Variants in XCR1 observed in about 807,000 individuals in gnomAD.
The protein encoded by XCR1 is chemokine XC receptor 1.
For missense variants in XCR1, 356 were observed against 424.2 expected (o/e 0.84, Z 1.41); for synonymous variants, 187 against 188.5 (o/e 0.99, Z 0.06).
At chr3:46,033,487 A>G (rs1697344276) in intron 5 of XCR1, among the ~76,000 whole-genome samples, 1 of 152,196 alleles carries the variant, frequency 6.6e-6, no homozygotes, top group South Asian at 2.1e-4. Flanking sequence ...TCAGTTGACT[A>G]TATTAGTGCA....
intron 4 of XCR1, among the ~76,000 whole-genome samples, chr3:46,066,204 C>CCCTT (rs1698067778): frequency 7.3e-6 from 1 of 136,486 alleles, no homozygotes; most frequent in African/African-American, 3.3e-5. Flanking sequence ...CTTCCTTCCT[C>CCCTT]CCTCCCTCCC....
chr3:46,065,798 C>T (rs1374484067), intron 4 of XCR1, among the ~76,000 whole-genome samples: 5 of 152,132 alleles, frequency 3.3e-5, no homozygotes, highest in Non-Finnish European at 5.9e-5. Flanking sequence ...GAGCCCTGGG[C>T]GGTGTGCTCT....
intron 3 of XCR1, among the ~76,000 whole-genome samples, chr3:46,073,618 A>G (rs1698198540): frequency 6.6e-6 from 1 of 152,064 alleles, no homozygotes; most frequent in Non-Finnish European, 1.5e-5. Flanking sequence ...CAACAGAAAT[A>G]AACAACAGAG....
chr3:46,026,251 T>C (rs1575410524), intron 1 of XCR1, among the ~76,000 whole-genome samples: 1 of 152,328 alleles, frequency 6.6e-6, no homozygotes, highest in Middle Eastern at 3.4e-3. Context: ...GTTCTGGGCC[T>C]GGAAGCCTTT....
chr3:46,051,935 A>C (rs1575426385), intron 5 of XCR1, among the ~76,000 whole-genome samples: 1 of 152,178 alleles, frequency 6.6e-6, no homozygotes, highest in Admixed American at 6.5e-5. Context: ...CTGAGGCAGG[A>C]GAATGGCATG....
At chr3:46,065,342 G>A (rs1473990952) in intron 4 of XCR1, among the ~76,000 whole-genome samples, 2 of 152,134 alleles carry the variant, frequency 1.3e-5, no homozygotes, top group African/African-American at 2.4e-5. Flanking sequence ...ACTGTTACCT[G>A]CAGGAGTCTT....
intron 3 of XCR1, among the ~76,000 whole-genome samples, chr3:46,073,674 C>T (rs1283103912): frequency 6.6e-6 from 1 of 152,038 alleles, no homozygotes; most frequent in Non-Finnish European, 1.5e-5. Flanking sequence ...GCGACTTATG[C>T]ATCTGACAGG....
In XCR1 at chr3:46,023,573, A is replaced by T. The variant is rs185879119; in HGVS notation, c.-31-1595T>A. 32 of 1,455,428 alleles carry T rather than the reference A, an allele frequency of 2.2e-5. No homozygotes were observed. The South Asian group carries it at 3.4e-4, about 16-fold the overall frequency. The allele number at this position is 1,455,428 out of a possible 1,614,324, so 90.2% of individuals were successfully genotyped here. ...AAAGCCTAGCAGAACACAGACAAGG[A>T]TGTAGCTGCCCATCTTCAGGCATCT... On this transcript the variant is annotated intron_variant, in intron 1 of 1. Coordinates refer to ENST00000309285, the MANE Select transcript of XCR1 (RefSeq NM_001024644.2).
chr3:46,061,756 T>G (rs774037180), intron 4 of XCR1, among the ~76,000 whole-genome samples: 1 of 152,108 alleles, frequency 6.6e-6, no homozygotes, highest in African/African-American at 2.4e-5. Flanking sequence ...AGGCGGCTGA[T>G]GCCAGAAGGA....
intron 4 of XCR1, among the ~76,000 whole-genome samples, chr3:46,062,273 C>G (rs533037741): frequency 6.6e-6 from 1 of 152,270 alleles, no homozygotes; most frequent in South Asian, 2.1e-4. Context: ...CTTCAGGAGA[C>G]CCTGCTGCAG....
intron 2 of XCR1, among the ~76,000 whole-genome samples, chr3:46,075,451 T>C (rs1346501768): frequency 6.6e-6 from 1 of 151,162 alleles, no homozygotes; most frequent in African/African-American, 2.4e-5. Context: ...GAAGAAAACA[T>C]AAGAGAAAAT....
intron 4 of XCR1, among the ~76,000 whole-genome samples, chr3:46,061,462 A>G (rs1400398428): frequency 6.6e-6 from 1 of 152,218 alleles, no homozygotes; most frequent in African/African-American, 2.4e-5. Context: ...TAACTGACTC[A>G]CAGAGTGGAT....
At chr3:46,058,349 G>A (rs1427978241) in intron 4 of XCR1, among the ~76,000 whole-genome samples, 2 of 152,126 alleles carry the variant, frequency 1.3e-5, no homozygotes, top group African/African-American at 4.8e-5. Flanking sequence ...AGAAAGTGGA[G>A]AAGGAAAAGG....
chr3:46,071,137 AC>A (rs1698157278), intron 3 of XCR1, among the ~76,000 whole-genome samples: 1 of 152,188 alleles, frequency 6.6e-6, no homozygotes. Context: ...ACTATTATGA[AC>A]AACTATATAG....
At chr3:46,070,893 T>C (rs1290344838) in intron 3 of XCR1, among the ~76,000 whole-genome samples, 1 of 152,174 alleles carries the variant, frequency 6.6e-6, no homozygotes, top group African/African-American at 2.4e-5. Context: ...TATTCTGTCA[T>C]GTTGCCATTT....
At chr3:46,058,416 C>G (rs1472956446) in intron 4 of XCR1, among the ~76,000 whole-genome samples, 3 of 152,158 alleles carry the variant, frequency 2.0e-5, no homozygotes, top group Non-Finnish European at 4.4e-5. Flanking sequence ...CCAAAAGCTT[C>G]TATGTCTGTC....
chr3:46,021,468 G>C lies in XCR1; in HGVS notation c.480C>G (p.Ser160=), dbSNP rs200744583. Residue 160 remains serine (S), a synonymous_variant, in exon 2 of 2, where the codon TCC becomes TCG. Transcript: ENST00000309285. The surrounding 1 kb of genome is among the most constrained non-coding windows in gnomAD (Gnocchi z 4.7). ...TMAVWVASIL[S]SILDTIFHKV... ...TGTGGAAGATGGTGTCGAGGATGGAGGACAGGATGCTGGCTACCCACACAG... is the reference window on the plus strand; with the variant it reads ...TGTGGAAGATGGTGTCGAGGATGGACGACAGGATGCTGGCTACCCACACAG... The C allele has an allele frequency of 6.2e-7, 1 of 1,614,004 alleles. No individual in the cohort carries two copies. Among genetic ancestry groups the C allele is most frequent in the Non-Finnish European group, 8.5e-7 (1 of 1,179,944 alleles).
At chr3:46,033,635 TG>T (rs779942193) in intron 5 of XCR1, among the ~76,000 whole-genome samples, 9 of 152,232 alleles carry the variant, frequency 5.9e-5, no homozygotes, top group Non-Finnish European at 1.2e-4. Context: ...TTCAGTTTTT[TG>T]TTGGTTATTC....
At chr3:46,075,323 A>AC (rs1180540133) in intron 2 of XCR1, among the ~76,000 whole-genome samples, 4 of 150,758 alleles carry the variant, frequency 2.7e-5, no homozygotes, top group African/African-American at 2.4e-5. Context: ...AAAAAAAAAA[A>AC]AAAAAAACAA....
Sources: gnomAD v4.1 joint callset for allele counts (sites outside exome capture counted in the v4.1 genomes callset) on GRCh38, gnomAD v4.1.1 for gene constraint, Gnocchi (gnomAD v3.1) non-coding constraint, MANE v1.5 for transcripts, NCBI Gene and HGNC (gene_info 2026-07-23, HGNC 2026-07-21) for gene names.